CDHR4: variants seen among roughly 807,000 people sequenced by gnomAD.
CDHR4 encodes cadherin related family member 4.
Under a neutral mutation model 88.4 loss-of-function variants are expected in CDHR4, and 89 were observed. The ratio of observed to expected loss-of-function variants is 1.01; its 90% confidence interval spans 0.85 to 1.20. The LOEUF is 1.20. Ranked by LOEUF, CDHR4 falls within the 50% of genes most tolerant of loss-of-function variation. The pLI is 0.00. For synonymous variants in CDHR4, 368 were observed against 399.2 expected, an observed-to-expected ratio of 0.92 and a Z score of 0.93; for missense variants, 914 against 1,007.2, an observed-to-expected ratio of 0.91 and a Z score of 1.25.
intron 17 of CDHR4, 46 bp downstream of exon 17, chr3:49,791,668 T>C: frequency 6.5e-7 from 1 of 1,546,568 alleles, no homozygotes; most frequent in Non-Finnish European, 8.8e-7. Flanking sequence ...GGGAGTACTC[T>C]GAAGCACCCT....
At chr3:49,799,614 G>T in intron 1 of CDHR4, 150 bp downstream of exon 1, 1 of 1,045,452 alleles carries the variant, frequency 9.6e-7, no homozygotes, top group Non-Finnish European at 1.4e-6. Flanking sequence ...CTTGACTGAG[G>T]AAGTGGCCAA....
At position 49,793,669 on chromosome 3, in the gene CDHR4, G is replaced by A. The variant is rs2081218815; in HGVS notation, c.1537C>T (p.Leu513Phe). Residue 513 changes from leucine to phenylalanine, a missense_variant, in exon 12 of 19, where the codon CTC becomes TTC. Coordinates refer to ENST00000412678, the MANE Select transcript of CDHR4 (RefSeq NM_001007540.4). ...LDYEQQRLYR[L>F]TVLVIDHGQD... is the part of the protein sequence containing the mutation. ...CCATGGTCAATCACAAGGACAGTGA[G>A]CCTGTACAGCCTCTGCTGCTCATAG... 3.9e-6 allele frequency: 6 copies of A among 1,551,652 alleles called. No homozygotes were observed. The highest frequency in any genetic ancestry group is 1.4e-5 in the African/African-American group (1 of 73,076).
Position 49,790,839 on chromosome 3 carries a change from C to G in CDHR4, c.2360G>C (p.Trp787Ser). The change falls in exon 19 of 19, where the codon TGG (tryptophan) becomes TCG (serine). Residue 787 changes from tryptophan to serine, a missense_variant. Coordinates refer to ENST00000412678, the MANE Select transcript of CDHR4 (RefSeq NM_001007540.4). ...LFNTHTGARR[W>S]L is the part of the protein sequence containing the mutation. ...TAAGACAGCTACTTGGCCTCAGAGC[C>G]AGCGCCGGGCTCCTGTGTGTGTGTT... The G allele has an allele frequency of 3.2e-6, 5 of 1,551,416 alleles. No individual in the cohort carries two copies. The highest frequency in any genetic ancestry group is 4.4e-6 in the Non-Finnish European group (5 of 1,146,896).
At chr3:49,802,523 T>C (rs1027037739), upstream of CDHR4, among the ~76,000 whole-genome samples, 2 of 152,214 alleles carry the variant, frequency 1.3e-5, no homozygotes, top group South Asian at 4.1e-4. Flanking sequence ...CCTGTGAGAC[T>C]GACTTTCCCC....
chr3:49,799,113 T>C lies in CDHR4; in HGVS notation c.284A>G (p.Asn95Ser). The stretch of plus-strand genomic sequence containing the variant: ...GAACTTCAGCTGCACCTTGTAGTGG[T>C]TCACCATCAGGGCATCCAACTGAGC... Reference protein sequence around the residue: ...SSAQLDALMVNHYKVQLKFTC... With the variant: ...SSAQLDALMVSHYKVQLKFTC... Residue 95 changes from asparagine (N) to serine (S), a missense_variant, in exon 3 of 19, where the codon AAC becomes AGC. Transcript: ENST00000412678. The C allele has an allele frequency of 6.4e-7, 1 of 1,574,632 alleles. No homozygotes were observed. The highest frequency in any genetic ancestry group is 8.6e-7 in the Non-Finnish European group (1 of 1,159,738).
chr3:49,792,645 C>T, intron 14 of CDHR4, 35 bp from the exon 15 acceptor site: 1 of 1,549,528 alleles, frequency 6.5e-7, no homozygotes, highest in South Asian at 1.2e-5. Flanking sequence ...CACTGCCTTG[C>T]CAAAATGCCC....
Position 49,793,061 on chromosome 3 carries a change from GT to G in CDHR4, c.1787del (p.Asn596ThrfsTer31). 2 of 1,551,388 alleles carry G rather than the reference GT, an allele frequency of 1.3e-6. No individual in the cohort carries two copies. The highest frequency in any genetic ancestry group is 1.7e-6 in the Non-Finnish European group (2 of 1,146,990). On this transcript the variant is annotated frameshift_variant, in exon 14 of 19. Coordinates refer to ENST00000412678, the MANE Select transcript of CDHR4 (RefSeq NM_001007540.4). LOFTEE classifies it high-confidence loss of function. ...SYSIVGGNSQ[N>X]RFILQGAILV... ...GGATGGCCCCTTGCAGGATGAATCG[GT>G]TCTGGCTATTCCCTGAAAGCAGAAT... is the stretch of plus-strand genomic sequence containing the variant.
At chr3:49,792,025 C>T (rs997207571) in intron 15 of CDHR4, 66 bp from the exon 16 acceptor site, 1 of 1,437,780 alleles carries the variant, frequency 7.0e-7, no homozygotes, top group Non-Finnish European at 9.6e-7. Context: ...GGAATCAGCA[C>T]CATTCACCCA....
At position 49,795,995 on chromosome 3, in the gene CDHR4, C is replaced by G; in HGVS notation, c.658G>C (p.Gly220Arg). Residue 220 changes from glycine (G) to arginine (R), a missense_variant, in exon 6 of 19, where the codon GGG (glycine) becomes CGG (arginine). Coordinates refer to ENST00000412678, the MANE Select transcript of CDHR4 (RefSeq NM_001007540.4). The surrounding 1 kb of genome is among the most constrained non-coding windows in gnomAD (Gnocchi z 5.4). ...GGCAAAACCTTCACTATCACCATCC[C>G]TTGGCAGCTTTGCCTTTGTCCAAAG... is the stretch of plus-strand genomic sequence containing the variant. ...VSFGQRQSCQ[G>R]MVIVKVLPVP... The G allele has an allele frequency of 6.5e-7, 1 of 1,545,274 alleles. No individual in the cohort carries two copies. Among genetic ancestry groups the G allele is most frequent in the Non-Finnish European group, 8.7e-7 (1 of 1,144,386 alleles).
At chr3:49,797,110 C>T in intron 4 of CDHR4, 78 bp from the exon 5 acceptor site, 1 of 1,136,296 alleles carries the variant, frequency 8.8e-7, no homozygotes. Flanking sequence ...CAGCAGCAAC[C>T]CTCCAGCAAC....
chr3:49,799,112 G>C lies in CDHR4; in HGVS notation c.285C>G (p.Asn95Lys). 1 of 1,574,766 alleles carries C rather than the reference G, an allele frequency of 6.4e-7. No individual in the cohort carries two copies. The highest frequency in any genetic ancestry group is 1.3e-5 in the African/African-American group (1 of 74,088). ...TGAACTTCAGCTGCACCTTGTAGTG[G>C]TTCACCATCAGGGCATCCAACTGAG... ...SSAQLDALMV[N>K]HYKVQLKFTC... The change falls in exon 3 of 19, where the codon AAC becomes AAG. Residue 95 changes from asparagine (N) to lysine (K), a missense_variant. By Grantham distance (94) the Asn-to-Lys change is moderately conservative. Coordinates refer to ENST00000412678, the MANE Select transcript of CDHR4 (RefSeq NM_001007540.4).
chr3:49,799,613 G>T (rs2081333094), intron 1 of CDHR4, 151 bp downstream of exon 1: 1 of 1,043,598 alleles, frequency 9.6e-7, no homozygotes, highest in Non-Finnish European at 1.4e-6. Context: ...ACTTGACTGA[G>T]GAAGTGGCCA....
chr3:49,799,175 G>A lies in CDHR4; in HGVS notation c.241-19C>T, dbSNP rs777304888. 1.1e-5 allele frequency: 18 copies of A among 1,590,258 alleles called. No individual in the cohort carries two copies. The highest frequency in any genetic ancestry group is 1.5e-5 in the Non-Finnish European group (18 of 1,168,010). On this transcript the variant is annotated intron_variant, in intron 2 of 18. Transcript: ENST00000412678. ...AGGTCAACTGGGGTGGGTGGACAGTGCCATGTGGGGCTTGGAAATTTTAGG... is the reference window on the plus strand; with the variant it reads ...AGGTCAACTGGGGTGGGTGGACAGTACCATGTGGGGCTTGGAAATTTTAGG...
chr3:49,799,246 C>T lies in CDHR4; in HGVS notation c.240+1G>A, dbSNP rs1345925622. 1 of 1,613,260 alleles carries T rather than the reference C, an allele frequency of 6.2e-7. No individual in the cohort carries two copies. The highest frequency in any genetic ancestry group is 1.3e-5 in the African/African-American group (1 of 74,924). On this transcript the variant is annotated splice_donor_variant, in intron 2 of 18. Transcript: ENST00000412678. LOFTEE classifies it high-confidence loss of function. ...GTCCCCAGCTGTACACATGACCCTACCTTGCCCACATAGGTCCCTTGCCAC... is the reference window on the plus strand; with the variant it reads ...GTCCCCAGCTGTACACATGACCCTATCTTGCCCACATAGGTCCCTTGCCAC...
intron 9 of CDHR4, 94 bp downstream of exon 9, chr3:49,794,853 A>AC (rs767109117): frequency 4.2e-5 from 63 of 1,497,714 alleles, no homozygotes; most frequent in Non-Finnish European, 5.3e-5. Flanking sequence ...CCATCCCTCC[A>AC]CCCCCACTCC....
In CDHR4 at chr3:49,792,476, G is replaced by A. The variant is rs534516975; in HGVS notation, c.2130C>T (p.Leu710=). ...LLALGWLLGR[L]LQGLAQLLQA... ...AAGGATAGGATCCCTACCCCTGGAG[G>A]AGCCTGCCAAGAAGCCAGCCTAGGG... is the stretch of plus-strand genomic sequence containing the variant. The change falls in exon 15 of 19, where the codon CTC becomes CTT. Residue 710 remains leucine, a synonymous_variant. Transcript: ENST00000412678. 5.9e-5 allele frequency: 91 copies of A among 1,551,658 alleles called. No homozygotes were observed. In the South Asian group the frequency reaches 1.0e-3, roughly 18 times the overall value.
At chr3:49,791,622 A>G in intron 17 of CDHR4, 92 bp downstream of exon 17, 1 of 1,489,470 alleles carries the variant, frequency 6.7e-7, no homozygotes, top group Non-Finnish European at 9.1e-7. Context: ...CATTCATCGG[A>G]AAAGGGGCAT....
upstream of CDHR4, among the ~76,000 whole-genome samples, chr3:49,801,419 T>A (rs2081359688): frequency 6.6e-6 from 1 of 152,166 alleles, no homozygotes; most frequent in Non-Finnish European, 1.5e-5. Flanking sequence ...CCACCCCACC[T>A]TATCCAGGCC....
In CDHR4 at chr3:49,790,764, A is replaced by C; in HGVS notation, c.*68T>G. 6 of 1,340,736 alleles carry C rather than the reference A, an allele frequency of 4.5e-6. No individual in the cohort carries two copies. The South Asian group carries it at 8.1e-5, about 18-fold the overall frequency. 83.1% of individuals were successfully genotyped at this position (1,340,736 alleles called of 1,614,324 possible). On this transcript the variant is annotated 3_prime_UTR_variant, in exon 19 of 19. Transcript: ENST00000412678. ...TTTGTAATTTTGTTTATTATGAATC[A>C]ACTTGAAAATACAGCCCATGATGGT...
Sources: allele counts gnomAD v4.1 joint callset (sites outside exome capture counted in the v4.1 genomes callset), GRCh38; gene constraint gnomAD v4.1.1; non-coding constraint Gnocchi (gnomAD v3.1); transcripts MANE v1.5; gene names NCBI Gene and HGNC (gene_info 2026-07-23, HGNC 2026-07-21).